SPAG16: variants seen among roughly 807,000 people sequenced by gnomAD.
SPAG16 encodes the protein sperm-associated antigen 16 protein.
In SPAG16, 86 loss-of-function variants were observed where a neutral mutation model predicts 80.4. The ratio of observed to expected loss-of-function variants is 1.07; its 90% CI spans 0.90 to 1.28. The LOEUF (loss-of-function observed/expected upper bound fraction) is 1.28, where lower values mean the gene tolerates loss of function less well. Among genes scored for constraint, SPAG16 ranks in the 50% most tolerant of loss-of-function variants. The probability of loss-of-function intolerance (pLI) is 0.00; values close to 1 mark genes in which losing one functional copy is unlikely to be tolerated. For synonymous variants in SPAG16, 294 were observed against 265.9 expected (o/e 1.11, Z -1.03); for missense variants, 870 against 765.3 (o/e 1.14, Z -1.61).
intron 10 of SPAG16, 150 bp from the exon 11 acceptor site, chr2:213,862,335 C>T: frequency 1.1e-6 from 1 of 891,054 alleles, no homozygotes; most frequent in Non-Finnish European, 1.7e-6. Context: ...AGCAGGGATG[C>T]AGAACCTGCT....
intron 15 of SPAG16, among the ~76,000 whole-genome samples, chr2:214,201,534 G>A (rs17749215): frequency 0.3 from 45,598 of 152,012 alleles, 8,516 homozygotes; most frequent in Non-Finnish European, 0.41. Context: ...CATATAAGGA[G>A]GATGTTAAAA....
chr2:214,092,999 A>T (rs1020227758), intron 13 of SPAG16, among the ~76,000 whole-genome samples: 16 of 152,112 alleles, frequency 1.1e-4, no homozygotes, highest in Non-Finnish European at 1.9e-4. Context: ...CCCTCTTCAG[A>T]GACACTAACA....
intron 13 of SPAG16, among the ~76,000 whole-genome samples, chr2:214,056,280 TACACAC>T (rs60247479): frequency 0.22 from 32,149 of 144,510 alleles, 3,817 homozygotes; most frequent in Middle Eastern, 0.3. Context: ...GTAGTAGAAA[TACACAC>T]ACACACACAC....
chr2:214,397,973 T>C (rs1369261124), intron 15 of SPAG16, among the ~76,000 whole-genome samples: 2 of 152,168 alleles, frequency 1.3e-5, no homozygotes, highest in East Asian at 3.9e-4. Flanking sequence ...GCCTGGTGAA[T>C]TAGTAAATCA....
At chr2:213,809,731 C>T (rs2072008773) in intron 10 of SPAG16, among the ~76,000 whole-genome samples, 1 of 152,216 alleles carries the variant, frequency 6.6e-6, no homozygotes, top group South Asian at 2.1e-4. Flanking sequence ...CAAGGGCCCA[C>T]ATGATGCACT....
Position 213,867,529 on chromosome 2 carries a change from A to C in SPAG16, c.1214+4901A>C, listed in dbSNP as rs566145728. On this transcript the variant is annotated intron_variant, in intron 11 of 15. Coordinates refer to ENST00000331683, the MANE Select transcript of SPAG16 (RefSeq NM_024532.5). ...TAGTTTGATTGTGAAGACTAGTGTTATAATATCTGAAAAACACAAATACGG... is the reference window on the plus strand; with the variant it reads ...TAGTTTGATTGTGAAGACTAGTGTTCTAATATCTGAAAAACACAAATACGG... Among the ~76,000 whole-genome samples the C allele has an allele frequency of 5.3e-4, 81 of 152,310 alleles. 2 individuals carry two copies. In the South Asian group the frequency reaches 0.017, roughly 31 times the overall value.
chr2:214,120,622 T>C (rs1439395140), intron 14 of SPAG16, among the ~76,000 whole-genome samples: 1 of 151,830 alleles, frequency 6.6e-6, no homozygotes, highest in Non-Finnish European at 1.5e-5. Context: ...CAATGAGTAA[T>C]TTTCATTGTC....
At chr2:214,270,957 C>T (rs756700123) in intron 15 of SPAG16, among the ~76,000 whole-genome samples, 4 of 151,952 alleles carry the variant, frequency 2.6e-5, no homozygotes, top group South Asian at 2.1e-4. Flanking sequence ...ACCTTTTTCC[C>T]GAATATACCC....
intron 15 of SPAG16, among the ~76,000 whole-genome samples, chr2:214,214,590 T>G (rs1006797939): frequency 6.6e-6 from 1 of 152,168 alleles, no homozygotes; most frequent in Admixed American, 6.5e-5. Flanking sequence ...AAATATCAGT[T>G]GAGTTTCTTA....
intron 13 of SPAG16, among the ~76,000 whole-genome samples, chr2:214,054,699 T>C (rs1335824595): frequency 1.3e-5 from 2 of 152,166 alleles, no homozygotes; most frequent in African/African-American, 4.8e-5. Context: ...TAAATCAAAA[T>C]GTATTTGTGT....
chr2:214,344,405 A>G (rs1697926353), intron 15 of SPAG16, among the ~76,000 whole-genome samples: 1 of 152,190 alleles, frequency 6.6e-6, no homozygotes, highest in Admixed American at 6.5e-5. Flanking sequence ...GCTTTTATAA[A>G]TATGAATTGC....
Position 214,336,936 on chromosome 2 carries a change from G to A in SPAG16, c.1721-73204G>A, listed in dbSNP as rs548396437. Among the ~76,000 whole-genome samples the A allele has an allele frequency of 2.0e-4, 9 of 44,874 alleles. No individual in the cohort carries two copies. In the East Asian group the frequency reaches 6.1e-3, roughly 30 times the overall value. The allele number at this position is 44,874 out of a possible 152,430, so 29.4% of individuals were successfully genotyped here. On this transcript the variant is annotated intron_variant, in intron 15 of 15. Coordinates refer to ENST00000331683, the MANE Select transcript of SPAG16 (RefSeq NM_024532.5). ...GACTAAGAGCTAGGAGTTCTCTGCT[G>A]TTGAATGAGGCTTCTAGACTACCTC...
rs117617378 is a variant in SPAG16, at chr2:213,819,372, C to A, written c.1071-43113C>A. 4.9e-3 allele frequency among the ~76,000 whole-genome samples: 749 copies of A among 152,294 alleles called. 13 individuals carry two copies. Among genetic ancestry groups the A allele is most frequent in the East Asian group, 0.03 (157 of 5,186 alleles). The stretch of plus-strand genomic sequence containing the variant: ...CTAAGCTCAAAAGTGGCACTAATTA[C>A]TAGCCAACATTTTATGTGTCCATTT... On this transcript the variant is annotated intron_variant, in intron 10 of 15. Transcript: ENST00000331683.
intron 9 of SPAG16, among the ~76,000 whole-genome samples, chr2:213,420,689 C>T (rs1441498221): frequency 6.6e-6 from 1 of 152,088 alleles, no homozygotes; most frequent in Non-Finnish European, 1.5e-5. Flanking sequence ...CTTTTAATAA[C>T]CTAATACCAC....
intron 11 of SPAG16, 124 bp from the exon 12 acceptor site, chr2:213,929,836 A>G (rs551598041): frequency 1.3e-6 from 1 of 761,048 alleles, no homozygotes; most frequent in Non-Finnish European, 2.1e-6. Flanking sequence ...TCATTTAGAT[A>G]TGCCACTACA....
At chr2:213,952,181 G>A (rs2079821562) in intron 12 of SPAG16, among the ~76,000 whole-genome samples, 1 of 152,028 alleles carries the variant, frequency 6.6e-6, no homozygotes, top group African/African-American at 2.4e-5. Flanking sequence ...ATACAAAAAT[G>A]CATCGAAAAC....
At chr2:214,393,574 AAAT>A (rs1444650508) in intron 15 of SPAG16, among the ~76,000 whole-genome samples, 1 of 151,738 alleles carries the variant, frequency 6.6e-6, no homozygotes, top group Non-Finnish European at 1.5e-5. Context: ...TAATTAATGA[AAAT>A]AAATTGTTAT....
chr2:213,998,710 G>A (rs1257970407), intron 12 of SPAG16, among the ~76,000 whole-genome samples: 1 of 152,216 alleles, frequency 6.6e-6, no homozygotes, highest in African/African-American at 2.4e-5. Flanking sequence ...ACTTTCTATA[G>A]ACTAGTTGAA....
chr2:213,719,705 G>A (rs1327110125), intron 10 of SPAG16, among the ~76,000 whole-genome samples: 1 of 152,210 alleles, frequency 6.6e-6, no homozygotes, highest in Non-Finnish European at 1.5e-5. Context: ...TGGAGAGGAT[G>A]TGGAGAAATA....
Sources: allele counts gnomAD v4.1 joint callset (sites outside exome capture counted in the v4.1 genomes callset), GRCh38; gene constraint gnomAD v4.1.1; transcripts MANE v1.5; gene names NCBI Gene and HGNC (gene_info 2026-07-23, HGNC 2026-07-21).